Variants in POLA1 observed in about 807,000 individuals in gnomAD.
POLA1 encodes the protein DNA polymerase alpha catalytic subunit.
Under a neutral mutation model 124.0 loss-of-function variants are expected in POLA1, and 15 were observed. The observed-to-expected ratio is 0.12, with a 90% CI of 0.08 to 0.19. The LOEUF (loss-of-function observed/expected upper bound fraction) is 0.19. Among genes scored for constraint, POLA1 ranks in the 10% least tolerant of loss-of-function variants. The pLI is 1.00. For synonymous variants in POLA1, 408 were observed against 389.4 expected, an observed-to-expected ratio of 1.05 and a Z score of -0.56; for missense variants, 886 against 1,103.4, an observed-to-expected ratio of 0.80 and a Z score of 2.79.
At chrX:24,835,502 A>G (rs983398918) in intron 32 of POLA1, among the ~76,000 whole-genome samples, 3 of 111,608 alleles carry the variant, frequency 2.7e-5, no homozygotes, top group Non-Finnish European at 5.7e-5. Context: ...CACTTTTTTT[A>G]AAAAGCTCCT....
rs770744662 is a variant in POLA1 at position 24,995,074 on chromosome X, G to A, written c.4262-731G>A. ...TCTGTCTCAAAAAAAAAAAAAGAAA[G>A]AAAAAAAACAACATGTAGAAGTAGC... On this transcript the variant is annotated intron_variant, in intron 36 of 36. Coordinates refer to ENST00000379068, the MANE Select transcript of POLA1 (RefSeq NM_001330360.2). 5.5e-5 allele frequency among the ~76,000 whole-genome samples: 6 copies of A among 109,373 alleles called. No homozygotes were observed. The East Asian group carries it at 1.5e-3, about 26-fold the overall frequency. 95.0% of individuals were successfully genotyped at this position (109,373 alleles called of 115,157 possible).
At chrX:24,735,331 A>G in intron 17 of POLA1, 68 bp from the exon 18 acceptor site, 2 of 629,236 alleles carry the variant, frequency 3.2e-6, no homozygotes, top group Non-Finnish European at 5.3e-6. Context: ...TAGTTGAACA[A>G]GAAGCCAAGA....
At chrX:24,835,348 G>A (rs779222869) in intron 32 of POLA1, among the ~76,000 whole-genome samples, 1 of 110,689 alleles carries the variant, frequency 9.0e-6, no homozygotes, top group African/African-American at 3.3e-5. Context: ...CAGTGCGCCC[G>A]GCCCATTTTG....
At chrX:24,951,225 A>C (rs2048035844) in intron 36 of POLA1, among the ~76,000 whole-genome samples, 1 of 80,833 alleles carries the variant, frequency 1.2e-5, no homozygotes, top group South Asian at 7.4e-4. Flanking sequence ...CTTCCTCACT[A>C]CCTTATCCTG....
intron 34 of POLA1, among the ~76,000 whole-genome samples, chrX:24,848,093 C>T (rs1351399096): frequency 8.9e-6 from 1 of 111,945 alleles, no homozygotes; most frequent in African/African-American, 3.2e-5. Flanking sequence ...CACAATAGCA[C>T]CTAGCCTAAA....
chrX:24,964,176 C>A (rs2048198458), intron 36 of POLA1, among the ~76,000 whole-genome samples: 1 of 112,145 alleles, frequency 8.9e-6, no homozygotes, highest in African/African-American at 3.2e-5. Flanking sequence ...TAGCTAGATT[C>A]TACTGAAGAT....
At chrX:24,926,128 C>T (rs748318165) in intron 35 of POLA1, among the ~76,000 whole-genome samples, 1 of 108,781 alleles carries the variant, frequency 9.2e-6, no homozygotes, top group Admixed American at 9.9e-5. Flanking sequence ...ATTGCTTGAG[C>T]CCAGGAGTTC....
At chrX:24,921,553 C>T (rs1461800967) in intron 35 of POLA1, among the ~76,000 whole-genome samples, 3 of 111,862 alleles carry the variant, frequency 2.7e-5, no homozygotes, top group African/African-American at 9.8e-5. Context: ...AGAACAGTGC[C>T]TTCGCATGTA....
chrX:24,881,750 C>T (rs1266963746), intron 34 of POLA1, among the ~76,000 whole-genome samples: 1 of 111,456 alleles, frequency 9.0e-6, no homozygotes, highest in East Asian at 2.8e-4. Context: ...CCCTGTGGAT[C>T]GGGAAAATTT....
At chrX:24,833,794 C>T (rs1451398614) in intron 32 of POLA1, among the ~76,000 whole-genome samples, 1 of 112,185 alleles carries the variant, frequency 8.9e-6, no homozygotes, top group African/African-American at 3.2e-5. Context: ...GGTTTAAAAA[C>T]AGGAAAGGAA....
intron 33 of POLA1, among the ~76,000 whole-genome samples, chrX:24,842,156 T>C (rs1455832185): frequency 8.9e-6 from 1 of 112,006 alleles, no homozygotes; most frequent in Non-Finnish European, 1.9e-5. Context: ...TGTCCCACTG[T>C]CAACCCCCAT....
At chrX:24,960,410 T>C (rs920207215) in intron 36 of POLA1, among the ~76,000 whole-genome samples, 1 of 111,831 alleles carries the variant, frequency 8.9e-6, no homozygotes, top group Non-Finnish European at 1.9e-5. Context: ...TCTGAGGAGA[T>C]TGAAGTGGCT....
intron 31 of POLA1, among the ~76,000 whole-genome samples, chrX:24,824,235 C>T (rs996130862): frequency 8.1e-5 from 9 of 111,146 alleles, no homozygotes; most frequent in Non-Finnish European, 1.7e-4. Flanking sequence ...GCCACGTATT[C>T]TTGCACATAC....
Position 24,723,195 on chromosome X carries a change from C to G in POLA1, c.1128C>G (p.Ala376=). Residue 376 remains alanine (A), a synonymous_variant, in exon 11 of 37, where the codon GCC becomes GCG. Coordinates refer to ENST00000379068, the MANE Select transcript of POLA1 (RefSeq NM_001330360.2). ...TTGGGAAAGTTTGGATTGAATCAGC[C>G]GAGACCCATGTGAGCTGTTGTGTCA... ...FLFGKVWIES[A]ETHVSCCVMV... The G allele has an allele frequency of 3.3e-6, 4 of 1,207,994 alleles. No homozygotes were observed. The highest frequency in any genetic ancestry group is 4.5e-6 in the Non-Finnish European group (4 of 892,054).
intron 36 of POLA1, among the ~76,000 whole-genome samples, chrX:24,947,559 C>T: frequency 9.0e-6 from 1 of 111,181 alleles, no homozygotes; most frequent in Middle Eastern, 4.7e-3. Flanking sequence ...GCAGGAGCCA[C>T]CGCATCCAGC....
chrX:24,856,377 G>T (rs2046645808), intron 34 of POLA1, among the ~76,000 whole-genome samples: 1 of 111,984 alleles, frequency 8.9e-6, no homozygotes, highest in Non-Finnish European at 1.9e-5. Flanking sequence ...CTGTCAGTTT[G>T]TTTGATCCAT....
intron 35 of POLA1, among the ~76,000 whole-genome samples, chrX:24,906,201 A>C (rs1467554113): frequency 2.7e-5 from 3 of 112,490 alleles, no homozygotes; most frequent in Non-Finnish European, 5.6e-5. Context: ...AGACACATGC[A>C]CATGCTTGTT....
At chrX:24,898,608 G>T (rs1601848028) in intron 35 of POLA1, among the ~76,000 whole-genome samples, 1 of 112,286 alleles carries the variant, frequency 8.9e-6, no homozygotes, top group East Asian at 2.8e-4. Flanking sequence ...TGTTTGCCTT[G>T]TAAAGATTTA....
chrX:24,939,991 A>ATATTCAGTTTTCTGTT (rs2047893741), intron 36 of POLA1, among the ~76,000 whole-genome samples: 1 of 111,680 alleles, frequency 9.0e-6, no homozygotes, highest in African/African-American at 3.3e-5. Flanking sequence ...AGCAATAATG[A>ATATTCAGTTTTCTGTT]TATTCAGTTT....
Sources: gnomAD v4.1 joint callset for allele counts (sites outside exome capture counted in the v4.1 genomes callset) on GRCh38, gnomAD v4.1.1 for gene constraint, MANE v1.5 for transcripts, NCBI Gene and HGNC (gene_info 2026-07-23, HGNC 2026-07-21) for gene names.